The following ADGRB3 variants were observed in gnomAD, a reference collection of about 807,000 sequenced individuals.
The protein encoded by ADGRB3 is brain-specific angiogenesis inhibitor 3.
In ADGRB3, 37 loss-of-function variants were observed where a neutral mutation model predicts 193.4. The ratio of observed to expected loss-of-function variants is 0.19; its 90% CI spans 0.15 to 0.25. The LOEUF is 0.25. ADGRB3 is among the 10% of genes least tolerant of loss of function. The probability of loss-of-function intolerance (pLI) is 1.00; values close to 1 mark genes in which losing one functional copy is unlikely to be tolerated. For missense variants in ADGRB3, 1,637 were observed against 1,852.9 expected, an observed-to-expected ratio of 0.88 and a Z score of 2.14; for synonymous variants, 690 against 644.2, an observed-to-expected ratio of 1.07 and a Z score of -1.08.
At chr6:69,021,358 G>A (rs1770258278) in intron 13 of ADGRB3, among the ~76,000 whole-genome samples, 2 of 151,870 alleles carry the variant, frequency 1.3e-5, no homozygotes, top group Non-Finnish European at 2.9e-5. Flanking sequence ...GAGTTGAACA[G>A]TCAAATATGA....
At chr6:68,671,030 G>A (rs1423680605) in intron 3 of ADGRB3, among the ~76,000 whole-genome samples, 1 of 151,582 alleles carries the variant, frequency 6.6e-6, no homozygotes, top group African/African-American at 2.4e-5. Flanking sequence ...ATTGTAAATG[G>A]GATTACTTTT....
intron 17 of ADGRB3, among the ~76,000 whole-genome samples, chr6:69,172,091 A>G (rs1775284886): frequency 1.3e-5 from 2 of 152,298 alleles, no homozygotes; most frequent in East Asian, 3.9e-4. Context: ...AGTGGAGCAG[A>G]AAGATTGAAG....
chr6:68,855,578 A>T (rs994766284), intron 3 of ADGRB3, among the ~76,000 whole-genome samples: 6 of 152,070 alleles, frequency 3.9e-5, no homozygotes, highest in Admixed American at 3.3e-4. Context: ...TTAATACCTC[A>T]CTTTGCACCA....
intron 13 of ADGRB3, among the ~76,000 whole-genome samples, chr6:69,022,832 T>C (rs1410234117): frequency 1.3e-5 from 2 of 151,836 alleles, no homozygotes; most frequent in Non-Finnish European, 2.9e-5. Context: ...CAAAATGGAG[T>C]GTATGAGATC....
At chr6:68,835,963 C>T (rs555588) in intron 3 of ADGRB3, among the ~76,000 whole-genome samples, 32,642 of 152,032 alleles carry the variant, frequency 0.21, 4,055 homozygotes, top group East Asian at 0.58. Context: ...ATCAAGACCT[C>T]CACTCTACAA....
intron 13 of ADGRB3, among the ~76,000 whole-genome samples, chr6:69,022,128 A>G (rs942328148): frequency 1.3e-5 from 2 of 151,816 alleles, no homozygotes; most frequent in African/African-American, 4.8e-5. Flanking sequence ...GCATTTACTA[A>G]AGACTAAATG....
chr6:69,276,597 T>A (rs1236689894), intron 20 of ADGRB3, among the ~76,000 whole-genome samples: 1 of 152,160 alleles, frequency 6.6e-6, no homozygotes, highest in East Asian at 1.9e-4. Flanking sequence ...TTTTGACCTT[T>A]TTTTCCCCCG....
intron 3 of ADGRB3, among the ~76,000 whole-genome samples, chr6:68,883,845 C>G (rs933008880): frequency 4.6e-5 from 7 of 152,118 alleles, no homozygotes; most frequent in Non-Finnish European, 1.0e-4. Context: ...CAATTCTGGA[C>G]ACAGAAATAC....
intron 17 of ADGRB3, among the ~76,000 whole-genome samples, chr6:69,194,837 G>T (rs573134325): frequency 9.2e-5 from 14 of 152,106 alleles, no homozygotes; most frequent in Non-Finnish European, 1.9e-4. Flanking sequence ...TCTTGCCACA[G>T]TACAGCTAAA....
At chr6:69,379,827 G>A (rs1171414330) in intron 30 of ADGRB3, among the ~76,000 whole-genome samples, 2 of 151,934 alleles carry the variant, frequency 1.3e-5, no homozygotes, top group Non-Finnish European at 2.9e-5. Flanking sequence ...GCATGAGGAA[G>A]TATTTGCAAT....
At chr6:68,740,209 T>C (rs981661273) in intron 3 of ADGRB3, among the ~76,000 whole-genome samples, 1 of 152,156 alleles carries the variant, frequency 6.6e-6, no homozygotes, top group African/African-American at 2.4e-5. Flanking sequence ...TACTAAAAAT[T>C]GCATAGTGTT....
At chr6:69,028,228 T>C (rs952723531) in intron 13 of ADGRB3, among the ~76,000 whole-genome samples, 2 of 152,186 alleles carry the variant, frequency 1.3e-5, no homozygotes, top group Non-Finnish European at 2.9e-5. Flanking sequence ...TTTGTGTGAC[T>C]TTTTTAATTG....
intron 17 of ADGRB3, among the ~76,000 whole-genome samples, chr6:69,123,900 C>T (rs1773785187): frequency 6.6e-6 from 1 of 152,120 alleles, no homozygotes; most frequent in Non-Finnish European, 1.5e-5. Context: ...GACTTAATTA[C>T]TTGGAGTAAA....
At chr6:69,128,321 G>A (rs1033652577) in intron 17 of ADGRB3, among the ~76,000 whole-genome samples, 32 of 152,100 alleles carry the variant, frequency 2.1e-4, no homozygotes, top group African/African-American at 7.0e-4. Context: ...CCCAAAGCCA[G>A]AATGACAAAA....
intron 3 of ADGRB3, among the ~76,000 whole-genome samples, chr6:68,712,903 A>G (rs1765428766): frequency 6.6e-6 from 1 of 150,506 alleles, no homozygotes; most frequent in Non-Finnish European, 1.5e-5. Context: ...TTTACTAATT[A>G]ATAAAATAAT....
chr6:69,116,272 G>C (rs967787768), intron 17 of ADGRB3, among the ~76,000 whole-genome samples: 2 of 152,120 alleles, frequency 1.3e-5, no homozygotes, highest in African/African-American at 4.8e-5. Flanking sequence ...CTATACTACT[G>C]TTTGACCAAA....
At chr6:68,993,680 C>A in intron 10 of ADGRB3, 88 bp from the exon 11 acceptor site, 4 of 1,351,418 alleles carry the variant, frequency 3.0e-6, no homozygotes, top group East Asian at 2.3e-5. Flanking sequence ...GTTAATTGAG[C>A]AATTTTAAAT....
chr6:68,639,506 C>T, intron 3 of ADGRB3, 74 bp downstream of exon 3: 2 of 1,423,424 alleles, frequency 1.4e-6, no homozygotes, highest in Non-Finnish European at 1.9e-6. Flanking sequence ...GCTGTTTCAA[C>T]ACACAGGCCT....
intron 30 of ADGRB3, among the ~76,000 whole-genome samples, chr6:69,381,719 T>A (rs931528485): frequency 6.6e-6 from 1 of 151,894 alleles, no homozygotes; most frequent in African/African-American, 2.4e-5. Context: ...TCAAAACAAA[T>A]CCTTACTTTT....
Sources: gnomAD v4.1 joint callset for allele counts (sites outside exome capture counted in the v4.1 genomes callset) on GRCh38, gnomAD v4.1.1 for gene constraint, MANE v1.5 for transcripts, NCBI Gene and HGNC (gene_info 2026-07-23, HGNC 2026-07-21) for gene names.